PROK2: variants seen among roughly 807,000 people sequenced by gnomAD.
The protein encoded by PROK2 is prokineticin 2.
A neutral mutation model predicts 14.2 loss-of-function variants in PROK2; 8 were observed. That is an observed-to-expected ratio of 0.56 (90% CI 0.33 to 1.02). The LOEUF (loss-of-function observed/expected upper bound fraction) is 1.02. Among genes scored for constraint, PROK2 ranks in the 50% least tolerant of loss-of-function variants. The pLI is 0.03. For synonymous variants in PROK2, 59 were observed against 60.7 expected (o/e 0.97, Z 0.13); for missense variants, 154 against 160.4 (o/e 0.96, Z 0.22).
intron 3 of PROK2, among the ~76,000 whole-genome samples, chr3:71,773,486 G>A (rs1036035252): frequency 9.9e-5 from 15 of 152,110 alleles, no homozygotes; most frequent in Non-Finnish European, 1.9e-4. Flanking sequence ...CAAGCTGTAC[G>A]GCCTTTTACT....
At chr3:71,775,433 C>T (rs1446555235) in intron 2 of PROK2, among the ~76,000 whole-genome samples, 1 of 152,150 alleles carries the variant, frequency 6.6e-6, no homozygotes, top group African/African-American at 2.4e-5. Context: ...TGCTGGTGCT[C>T]ACAGCCTTGT....
At chr3:71,784,095 TAAAGAAGTTGAACAACCAGG>T (rs1252407914) in intron 1 of PROK2, among the ~76,000 whole-genome samples, 3 of 152,198 alleles carry the variant, frequency 2.0e-5, no homozygotes, top group African/African-American at 7.2e-5. Context: ...TAAAAAACAG[TAAAGAAGTTGAACAACCAGG>T]AAATGATAGC....
intron 1 of PROK2, among the ~76,000 whole-genome samples, chr3:71,782,930 G>A (rs947206392): frequency 6.6e-6 from 1 of 152,142 alleles, no homozygotes; most frequent in Non-Finnish European, 1.5e-5. Context: ...ATATGTAAAT[G>A]TTTCAATTTT....
intron 2 of PROK2, among the ~76,000 whole-genome samples, chr3:71,775,966 C>T (rs1368523443): frequency 1.3e-5 from 2 of 152,112 alleles, no homozygotes; most frequent in Non-Finnish European, 2.9e-5. Flanking sequence ...TGCCCAGCTC[C>T]GAGCAGGCAA....
At position 71,780,773 on chromosome 3, in the gene PROK2, T is replaced by C. The variant is rs1162453185; in HGVS notation, c.222+694A>G. 1.1e-4 allele frequency among the ~76,000 whole-genome samples: 16 copies of C among 152,258 alleles called. No homozygotes were observed. In the East Asian group the frequency reaches 3.1e-3, roughly 29 times the overall value. On this transcript the variant is annotated intron_variant, in intron 2 of 3. Coordinates refer to ENST00000295619, the MANE Select transcript of PROK2 (RefSeq NM_001126128.2). Reference sequence around the variant, plus strand: ...CTTCCTCATGTAATATAAACCTTCCTGACCCCTGTAGACAGGTGGGTCTGC... The same window carrying C: ...CTTCCTCATGTAATATAAACCTTCCCGACCCCTGTAGACAGGTGGGTCTGC...
chr3:71,772,455 A>G lies in PROK2; in HGVS notation c.*269T>C. The G allele has an allele frequency of 2.5e-6, 1 of 399,314 alleles. No homozygotes were observed. 24.7% of individuals were successfully genotyped at this position (399,314 alleles called of 1,614,324 possible). A position where few individuals can be genotyped will look rare whatever the true frequency, so the allele number is the denominator to read the frequency against. On this transcript the variant is annotated 3_prime_UTR_variant, in exon 4 of 4. Transcript: ENST00000295619. The stretch of plus-strand genomic sequence containing the variant: ...GAAAATGGGTACGTTTTTGACATTT[A>G]AGAAAAAAGCCAAATCAAACCAAAA...
In PROK2 at chr3:71,772,816, CA is replaced by C. The variant is rs768413190; in HGVS notation, c.297del (p.Phe99LeufsTer28). 8.1e-6 allele frequency: 13 copies of C among 1,613,858 alleles called. No homozygotes were observed. The African/African-American group carries it at 1.6e-4, about 20-fold the overall frequency. The stretch of plus-strand genomic sequence containing the variant: ...GGGCAAGTGTGATGCATCCTCCGCC[CA>C]AAAAATGGAACCTAAATAAAAAAGA... The part of the protein sequence containing the change: ...RSKRKKEVPF[F>X]GRRMHHTCPC... On this transcript the variant is annotated frameshift_variant, in exon 4 of 4. Transcript: ENST00000295619. LOFTEE classifies it high-confidence loss of function.
chr3:71,776,153 A>C (rs1276031183), intron 2 of PROK2, among the ~76,000 whole-genome samples: 1 of 152,134 alleles, frequency 6.6e-6, no homozygotes, highest in Non-Finnish European at 1.5e-5. Context: ...TCTTTAAATC[A>C]AGGACACCAA....
At position 71,772,591 on chromosome 3, in the gene PROK2, G is replaced by A. The variant is rs983341283; in HGVS notation, c.*133C>T. 5 of 742,996 alleles carry A rather than the reference G, an allele frequency of 6.7e-6. No homozygotes were observed. In the East Asian group the frequency reaches 1.0e-4, roughly 16 times the overall value. The allele number at this position is 742,996 out of a possible 1,614,324, so 46.0% of individuals were successfully genotyped here. ...AAAAAAAAATCATTTACAAATCAAA[G>A]ATAAAAATGTTACTTGGAAAGTTGA... On this transcript the variant is annotated 3_prime_UTR_variant, in exon 4 of 4. Transcript: ENST00000295619.
chr3:71,782,850 G>A (rs1411604287), intron 1 of PROK2, among the ~76,000 whole-genome samples: 1 of 152,098 alleles, frequency 6.6e-6, no homozygotes, highest in Non-Finnish European at 1.5e-5. Flanking sequence ...TTATTTCTCA[G>A]TCTATTTAAA....
chr3:71,775,044 GT>G (rs758639572), intron 2 of PROK2, among the ~76,000 whole-genome samples: 46 of 152,250 alleles, frequency 3.0e-4, no homozygotes, highest in South Asian at 8.3e-4. Flanking sequence ...TGCTCTAGGC[GT>G]CTAGTGGGTA....
rs373955475 is a variant in PROK2 at position 71,775,388 on chromosome 3, C to G, written c.223-881G>C. On this transcript the variant is annotated intron_variant, in intron 2 of 3. Coordinates refer to ENST00000295619, the MANE Select transcript of PROK2 (RefSeq NM_001126128.2). ...TGCATCGTGGAGCTTCCCTCTTGAT[C>G]ATACAAGACAGAACACCAGTAAAAT... Among the ~76,000 whole-genome samples, 5 of 152,186 alleles carry G rather than the reference C, an allele frequency of 3.3e-5. No homozygotes were observed. In the East Asian group the frequency reaches 7.7e-4, roughly 23 times the overall value.
intron 1 of PROK2, among the ~76,000 whole-genome samples, chr3:71,781,918 A>G (rs1421560958): frequency 1.3e-5 from 2 of 152,172 alleles, no homozygotes; most frequent in Non-Finnish European, 2.9e-5. Flanking sequence ...AACTTGAAGA[A>G]CAAGACTATA....
At chr3:71,782,636 A>G (rs1422927324) in intron 1 of PROK2, among the ~76,000 whole-genome samples, 1 of 152,222 alleles carries the variant, frequency 6.6e-6, no homozygotes, top group East Asian at 1.9e-4. Flanking sequence ...CTATATATGT[A>G]AGAAACTAAA....
chr3:71,783,951 A>G (rs1414500627), intron 1 of PROK2, among the ~76,000 whole-genome samples: 1 of 152,262 alleles, frequency 6.6e-6, no homozygotes, highest in Non-Finnish European at 1.5e-5. Flanking sequence ...TTTTCAAGAC[A>G]AAGATACTTC....
chr3:71,781,037 GA>G (rs977802833), intron 2 of PROK2, among the ~76,000 whole-genome samples: 4 of 152,148 alleles, frequency 2.6e-5, no homozygotes, highest in Non-Finnish European at 4.4e-5. Context: ...TTGTATAATC[GA>G]TTTTCTAAAA....
intron 2 of PROK2, among the ~76,000 whole-genome samples, chr3:71,775,119 C>G (rs1461604473): frequency 6.6e-6 from 1 of 152,188 alleles, no homozygotes; most frequent in East Asian, 1.9e-4. Flanking sequence ...AAAGAATTAT[C>G]TGGCCCAAGA....
Position 71,785,068 on chromosome 3 carries a change from G to A in PROK2, c.-16C>T, listed in dbSNP as rs952791583. The A allele has an allele frequency of 2.1e-5, 26 of 1,233,400 alleles. No homozygotes were observed. The highest frequency in any genetic ancestry group is 2.5e-5 in the Non-Finnish European group (25 of 984,628). The allele number at this position is 1,233,400 out of a possible 1,614,324, so 76.4% of individuals were successfully genotyped here. The stretch of plus-strand genomic sequence containing the variant: ...GGCTCCTCATGGCGCCCTCGGGACT[G>A]GGCGGCCGCCGGAGGCAGTTGGGGG... On this transcript the variant is annotated 5_prime_UTR_variant, in exon 1 of 4. Coordinates refer to ENST00000295619, the MANE Select transcript of PROK2 (RefSeq NM_001126128.2).
intron 3 of PROK2, among the ~76,000 whole-genome samples, chr3:71,773,413 C>T (rs1184837707): frequency 2.0e-5 from 3 of 152,180 alleles, no homozygotes; most frequent in African/African-American, 7.2e-5. Flanking sequence ...GCCAAGGTCA[C>T]TTATGTAAAA....
Sources: gnomAD v4.1 joint callset for allele counts (sites outside exome capture counted in the v4.1 genomes callset) on GRCh38, gnomAD v4.1.1 for gene constraint, MANE v1.5 for transcripts, NCBI Gene and HGNC (gene_info 2026-07-23, HGNC 2026-07-21) for gene names.